Variants in FAT1 observed in about 807,000 individuals in gnomAD.
FAT1 encodes the protein protocadherin Fat 1.
A neutral mutation model predicts 329.8 loss-of-function variants in FAT1; 171 were observed. The observed-to-expected ratio is 0.52, with a 90% confidence interval of 0.46 to 0.59. The LOEUF (loss-of-function observed/expected upper bound fraction) is 0.59. Among genes scored for constraint, FAT1 ranks in the 20% least tolerant of loss-of-function variants. The probability of loss-of-function intolerance (pLI) is 0.00; values close to 1 mark genes in which losing one functional copy is unlikely to be tolerated. For missense variants in FAT1, 5,672 were observed against 5,774.4 expected (o/e 0.98, Z 0.57); for synonymous variants, 2,233 against 2,228.6 (o/e 1.00, Z -0.06).
At chr4:186,723,368 G>A (rs1033390691) in intron 1 of FAT1, among the ~76,000 whole-genome samples, 3 of 152,198 alleles carry the variant, frequency 2.0e-5, no homozygotes, top group African/African-American at 7.2e-5. Context: ...GCAGCCCGGC[G>A]AGCTCCCGGA....
At chr4:186,593,395 T>A (rs1412361991) in intron 26 of FAT1, among the ~76,000 whole-genome samples, 1 of 152,194 alleles carries the variant, frequency 6.6e-6, no homozygotes, top group East Asian at 1.9e-4. Flanking sequence ...GGTAAATATG[T>A]ACGCATGTGG....
Position 186,620,012 on chromosome 4 carries a change from C to A in FAT1, c.6574G>T (p.Ala2192Ser), listed in dbSNP as rs763545917. ...FEKPFYSAEI[A>S]ESIQVHSPVV... ...GGGCTGTGCACCTGGATGCTCTCTG[C>A]AATCTCTGCACTGTAGAAAGGTTTT... The change falls in exon 10 of 27, where the codon GCA becomes TCA. Residue 2192 changes from alanine to serine, a missense_variant. Coordinates refer to ENST00000441802, the MANE Select transcript of FAT1 (RefSeq NM_005245.4). 2.5e-6 allele frequency: 4 copies of A among 1,614,028 alleles called. No homozygotes were observed. The South Asian group carries it at 4.4e-5, about 18-fold the overall frequency.
chr4:186,683,365 C>G (rs2126648162), intron 2 of FAT1, among the ~76,000 whole-genome samples: 1 of 152,138 alleles, frequency 6.6e-6, no homozygotes, highest in Non-Finnish European at 1.5e-5. Flanking sequence ...CTGTGGAGTC[C>G]TGGGCTCCAA....
intron 3 of FAT1, among the ~76,000 whole-genome samples, chr4:186,650,838 G>C (rs1320553404): frequency 2.0e-5 from 3 of 152,074 alleles, no homozygotes. Flanking sequence ...TGTTTTAAAT[G>C]TCCATGGTTC....
At chr4:186,624,185 C>T (rs1740182880) in intron 9 of FAT1, among the ~76,000 whole-genome samples, 1 of 132,550 alleles carries the variant, frequency 7.5e-6, no homozygotes, top group South Asian at 2.3e-4. Context: ...GGGGCTTATT[C>T]ACTGACTTTA....
intron 2 of FAT1, among the ~76,000 whole-genome samples, chr4:186,688,818 C>T: frequency 6.6e-6 from 1 of 152,116 alleles, no homozygotes; most frequent in East Asian, 1.9e-4. Flanking sequence ...AAGGCAGCAG[C>T]CACAATGTGG....
intron 1 of FAT1, among the ~76,000 whole-genome samples, chr4:186,715,189 C>G (rs1681807970): frequency 1.3e-5 from 2 of 151,014 alleles, no homozygotes; most frequent in African/African-American, 2.5e-5. Context: ...CCATGGCCAA[C>G]ACGTCAGACT....
At chr4:186,705,593 C>T (rs948202819) in intron 2 of FAT1, among the ~76,000 whole-genome samples, 5 of 152,218 alleles carry the variant, frequency 3.3e-5, no homozygotes, top group African/African-American at 1.2e-4. Flanking sequence ...GATTGACCAG[C>T]TTCTATGTGC....
chr4:186,712,222 C>A (rs1744994402), intron 1 of FAT1, among the ~76,000 whole-genome samples: 1 of 152,154 alleles, frequency 6.6e-6, no homozygotes, highest in Admixed American at 6.5e-5. Context: ...GGGGTAGATA[C>A]AATGTACCCA....
In FAT1 at chr4:186,595,691, T is replaced by C. The variant is rs770597395; in HGVS notation, c.13136A>G (p.Asn4379Ser). ...GTTGCAGCACACTGCTGCCTCACCA[T>C]TGTCATCGCACGATTCGGACTGGAA... The part of the protein sequence containing the change: ...SSFQSESCDD[N>S]GYHWDTSDWM... The change falls in exon 26 of 27, where the codon AAT (asparagine) becomes AGT (serine). Residue 4379 changes from asparagine to serine, a missense_variant and splice_region_variant. This residue lies in a region of FAT1 where 1,706 missense variants were observed against 1,859.1 expected (regional missense o/e 0.92). Transcript: ENST00000441802. The C allele has an allele frequency of 3.1e-6, 5 of 1,613,804 alleles. No individual in the cohort carries two copies. Among genetic ancestry groups the C allele is most frequent in the South Asian group, 1.1e-5 (1 of 91,074 alleles).
At chr4:186,666,155 T>C (rs975833596) in intron 2 of FAT1, among the ~76,000 whole-genome samples, 3 of 149,986 alleles carry the variant, frequency 2.0e-5, no homozygotes, top group Admixed American at 6.7e-5. Flanking sequence ...CTGCACATTG[T>C]GCACATGTAC....
intron 2 of FAT1, among the ~76,000 whole-genome samples, chr4:186,703,497 G>T (rs1744424283): frequency 6.6e-6 from 1 of 152,172 alleles, no homozygotes. Context: ...GGTAAAATAT[G>T]ACAAAAATTT....
chr4:186,601,593 A>G (rs1738823731), intron 20 of FAT1, 167 bp from the exon 21 acceptor site: 3 of 481,738 alleles, frequency 6.2e-6, no homozygotes, highest in Non-Finnish European at 1.1e-5. Flanking sequence ...TGAAAAGCCC[A>G]GCATGACTGG....
chr4:186,725,441 T>C (rs1745687052), upstream of FAT1, among the ~76,000 whole-genome samples: 1 of 151,784 alleles, frequency 6.6e-6, no homozygotes, highest in African/African-American at 2.4e-5. The surrounding 1 kb of genome is among the most constrained non-coding windows in gnomAD (Gnocchi z 5.4). Context: ...CTGGAGAAGA[T>C]TACCATTAAT....
intron 17 of FAT1, among the ~76,000 whole-genome samples, chr4:186,604,903 A>G (rs1379705096): frequency 2.0e-5 from 3 of 151,588 alleles, no homozygotes; most frequent in Non-Finnish European, 4.4e-5. Flanking sequence ...AGTGTAGGAG[A>G]AGAAGAGGAC....
rs765909046 is a variant in FAT1, at chr4:186,618,770, C to T, written c.7816G>A (p.Gly2606Arg). Residue 2606 changes from glycine (G) to arginine (R), a missense_variant, in exon 10 of 27, where the codon GGG becomes AGG. Gly to Arg is a moderately radical substitution (Grantham distance 125). This residue lies in a region of FAT1 where 3,966 missense variants were observed against 3,915.2 expected (regional missense o/e 1.01). Coordinates refer to ENST00000441802, the MANE Select transcript of FAT1 (RefSeq NM_005245.4). ...FRATKYEVNIGSSAAKGTSVV... is the reference protein window; with the variant it reads ...FRATKYEVNIRSSAAKGTSVV... ...GAAGTCCCTTTAGCAGCACTGGACC[C>T]GATATTCACTTCGTATTTGGTTGCT... 1.7e-5 allele frequency: 27 copies of T among 1,613,946 alleles called. No homozygotes were observed. Among genetic ancestry groups the T allele is most frequent in the Admixed American group, 3.3e-5 (2 of 60,006 alleles).
intron 24 of FAT1, chr4:186,597,411 A>G (rs915385638): frequency 3.4e-6 from 2 of 588,642 alleles, no homozygotes; most frequent in Non-Finnish European, 2.9e-6. Context: ...TATCAAGCCA[A>G]TATTAATGGC....
chr4:186,643,348 T>G (rs1255747945), intron 3 of FAT1, among the ~76,000 whole-genome samples: 1 of 152,122 alleles, frequency 6.6e-6, no homozygotes, highest in African/African-American at 2.4e-5. Flanking sequence ...GTAAGATATT[T>G]CAGACTGACA....
intron 1 of FAT1, among the ~76,000 whole-genome samples, chr4:186,711,651 C>T (rs553757229): frequency 3.9e-5 from 6 of 152,272 alleles, no homozygotes; most frequent in African/African-American, 1.4e-4. Flanking sequence ...GTCACGGTGG[C>T]TCACACCTGT....
Sources: allele counts gnomAD v4.1 joint callset (sites outside exome capture counted in the v4.1 genomes callset), GRCh38; gene constraint gnomAD v4.1.1; regional missense constraint gnomAD v4.1.1; non-coding constraint Gnocchi (gnomAD v3.1); transcripts MANE v1.5; gene names NCBI Gene and HGNC (gene_info 2026-07-23, HGNC 2026-07-21).